Variants in MAPK10 observed in about 807,000 individuals in gnomAD.
The protein encoded by MAPK10 is mitogen-activated protein kinase 10, also known as JNK3 alpha protein kinase.
Under a neutral mutation model 59.3 loss-of-function variants are expected in MAPK10, and 25 were observed. The observed-to-expected ratio is 0.42, with a 90% CI of 0.31 to 0.59. MAPK10 has a LOEUF of 0.59. Ranked by LOEUF, MAPK10 falls within the 20% of genes least tolerant of loss-of-function variation. The pLI, the probability that MAPK10 is intolerant of heterozygous loss-of-function variation, is 0.15. For synonymous variants in MAPK10, 190 were observed against 200.5 expected, an observed-to-expected ratio of 0.95 and a Z score of 0.44; for missense variants, 351 against 568.9, an observed-to-expected ratio of 0.62 and a Z score of 3.90.
intron 11 of MAPK10, among the ~76,000 whole-genome samples, chr4:86,051,346 C>CTAGG: frequency 7.4e-6 from 1 of 135,664 alleles, no homozygotes; most frequent in East Asian, 2.2e-4. Context: ...AACGAATGCC[C>CTAGG]TAGGGCCTAA....
At chr4:86,353,096 T>C (rs1732443806) in intron 2 of MAPK10, among the ~76,000 whole-genome samples, 1 of 152,142 alleles carries the variant, frequency 6.6e-6, no homozygotes, top group Non-Finnish European at 1.5e-5. Context: ...AAAAGATCCC[T>C]TCCTCTGGGA....
At chr4:86,208,159 T>C (rs974174149) in intron 2 of MAPK10, among the ~76,000 whole-genome samples, 5 of 151,930 alleles carry the variant, frequency 3.3e-5, no homozygotes, top group Non-Finnish European at 7.4e-5. Flanking sequence ...CTATCAGAGG[T>C]ACAAGGAGGA....
intron 11 of MAPK10, among the ~76,000 whole-genome samples, chr4:86,035,370 C>CAAAAAAA (rs70948779): frequency 2.6e-5 from 1 of 37,870 alleles, no homozygotes; most frequent in Non-Finnish European, 4.4e-5. Flanking sequence ...GACTCTGTCT[C>CAAAAAAA]AAAAAAAAAA....
At chr4:86,103,377 C>A in intron 5 of MAPK10, 133 bp from the exon 6 acceptor site, 2 of 593,516 alleles carry the variant, frequency 3.4e-6, no homozygotes, top group Non-Finnish European at 6.1e-6. Context: ...GGAAAAATGT[C>A]TTGAGCTGTC....
At chr4:86,558,557 CAT>C (rs1399946040) in intron 1 of MAPK10, among the ~76,000 whole-genome samples, 3 of 152,090 alleles carry the variant, frequency 2.0e-5, no homozygotes, top group Non-Finnish European at 4.4e-5. Flanking sequence ...CACAGATAAA[CAT>C]GTTGTTGGCG....
chr4:86,232,423 G>A lies in MAPK10; in HGVS notation c.-6-38016C>T, dbSNP rs909582133. On this transcript the variant is annotated intron_variant, in intron 2 of 13. Transcript: ENST00000641462. The stretch of plus-strand genomic sequence containing the variant: ...GAGTCTTGCTCTGTAGCCCAGGCTA[G>A]AGTGCAGTGGCACCATCTCGGCTCA... Among the ~76,000 whole-genome samples, 50 of 150,728 alleles carry A rather than the reference G, an allele frequency of 3.3e-4. 1 individual carries two copies. The highest frequency in any genetic ancestry group is 1.2e-3 in the African/African-American group (48 of 40,938).
At chr4:86,537,316 GCAGTGATTTC>G (rs1758324250) in intron 1 of MAPK10, among the ~76,000 whole-genome samples, 1 of 152,206 alleles carries the variant, frequency 6.6e-6, no homozygotes, top group Admixed American at 6.5e-5. Flanking sequence ...CAGTGCAAAT[GCAGTGATTTC>G]CAGTGTTATT....
intron 2 of MAPK10, among the ~76,000 whole-genome samples, chr4:86,352,413 T>C (rs1732019095): frequency 6.6e-6 from 1 of 152,132 alleles, no homozygotes; most frequent in Non-Finnish European, 1.5e-5. Context: ...CATGAAAGAA[T>C]CTCACAATGT....
chr4:86,056,908 A>C (rs1183760940), intron 11 of MAPK10, among the ~76,000 whole-genome samples: 1 of 149,082 alleles, frequency 6.7e-6, no homozygotes, highest in Admixed American at 6.6e-5. Flanking sequence ...TTGGGTAACC[A>C]AACTTAGTCA....
At chr4:86,550,418 G>A (rs912710153) in intron 1 of MAPK10, among the ~76,000 whole-genome samples, 24 of 128,846 alleles carry the variant, frequency 1.9e-4, no homozygotes, top group Non-Finnish European at 2.3e-4. Context: ...AAAACTCCAG[G>A]CCAGGCACAG....
intron 1 of MAPK10, among the ~76,000 whole-genome samples, chr4:86,504,615 C>T (rs1248688548): frequency 6.6e-6 from 1 of 152,080 alleles, no homozygotes; most frequent in Non-Finnish European, 1.5e-5. Context: ...GAAACCACTG[C>T]CTTTTCATCA....
intron 1 of MAPK10, among the ~76,000 whole-genome samples, chr4:86,381,101 T>C (rs1190594675): frequency 2.6e-5 from 4 of 152,182 alleles, no homozygotes; most frequent in Non-Finnish European, 5.9e-5. Flanking sequence ...AAAATTTTCA[T>C]GTAAGAATCT....
At chr4:86,435,222 C>G (rs186049903) in intron 1 of MAPK10, among the ~76,000 whole-genome samples, 1 of 152,066 alleles carries the variant, frequency 6.6e-6, no homozygotes, top group East Asian at 1.9e-4. Context: ...TGAGGCCAGG[C>G]GCAGTGGCTC....
chr4:86,199,281 G>A (rs985190396), intron 2 of MAPK10, among the ~76,000 whole-genome samples: 5 of 151,662 alleles, frequency 3.3e-5, no homozygotes, highest in African/African-American at 1.2e-4. Flanking sequence ...ATGAACTCTG[G>A]AAAAAAACAA....
At chr4:86,338,200 G>T (rs766554419) in intron 2 of MAPK10, among the ~76,000 whole-genome samples, 1 of 152,096 alleles carries the variant, frequency 6.6e-6, no homozygotes, top group Non-Finnish European at 1.5e-5. Flanking sequence ...TTTCCCAGCA[G>T]GCTTGAACCC....
intron 1 of MAPK10, among the ~76,000 whole-genome samples, chr4:86,546,229 A>G (rs1759144872): frequency 6.6e-6 from 1 of 151,536 alleles, no homozygotes; most frequent in African/African-American, 2.4e-5. Context: ...GTCTCCAAAA[A>G]TAAAAAATAA....
intron 3 of MAPK10, among the ~76,000 whole-genome samples, chr4:86,183,190 C>T (rs1292036442): frequency 1.3e-5 from 2 of 151,642 alleles, no homozygotes; most frequent in Non-Finnish European, 2.9e-5. Context: ...GCACATTGTG[C>T]AGGTTAGTTA....
exon 1 of MAPK10, chr4:86,593,958 G>T (rs1302963040): frequency 1.3e-5 from 2 of 152,228 alleles, no homozygotes; most frequent in Non-Finnish European, 2.9e-5. Flanking sequence ...TTTTGATTCT[G>T]AAGTTAGAAG....
chr4:86,265,045 G>A (rs1367842642), intron 2 of MAPK10, among the ~76,000 whole-genome samples: 4 of 151,578 alleles, frequency 2.6e-5, no homozygotes, highest in South Asian at 2.1e-4. Context: ...TGTGTGCTAC[G>A]ACACCCAGCT....
Sources: gnomAD v4.1 joint callset for allele counts (sites outside exome capture counted in the v4.1 genomes callset) on GRCh38, gnomAD v4.1.1 for gene constraint, MANE v1.5 for transcripts, NCBI Gene and HGNC (gene_info 2026-07-23, HGNC 2026-07-21) for gene names.